The following HYDIN variants were observed in gnomAD, a reference collection of about 807,000 sequenced individuals.
The protein encoded by HYDIN is axonemal central pair apparatus protein HYDIN.
Under a neutral mutation model 403.9 loss-of-function variants are expected in HYDIN, and 132 were observed. The observed-to-expected ratio is 0.33, with a 90% CI of 0.28 to 0.38. The LOEUF (loss-of-function observed/expected upper bound fraction) is 0.38. Among genes scored for constraint, HYDIN ranks in the 10% least tolerant of loss-of-function variants. HYDIN has a pLI of 1.00. For missense variants in HYDIN, 2,827 were observed against 5,009.5 expected (o/e 0.56, Z 13.15); for synonymous variants, 1,202 against 1,891.7 (o/e 0.64, Z 9.46).
intron 2 of HYDIN, among the ~76,000 whole-genome samples, chr16:71,185,220 C>A (rs922928111): frequency 3.3e-5 from 5 of 151,878 alleles, no homozygotes; most frequent in Non-Finnish European, 7.4e-5. Context: ...TTGCTGTTTC[C>A]TTATGATTTT....
intron 5 of HYDIN, among the ~76,000 whole-genome samples, chr16:71,165,664 G>T (rs1378072719): frequency 1.3e-5 from 2 of 151,980 alleles, no homozygotes; most frequent in Non-Finnish European, 2.9e-5. Context: ...CAGAACATTT[G>T]GTAGTGATGA....
In HYDIN at chr16:70,829,996, C is replaced by T. The variant is rs1432259415; in HGVS notation, c.13900-166G>A. Among the ~76,000 whole-genome samples the T allele has an allele frequency of 3.3e-5, 5 of 152,000 alleles. No homozygotes were observed. The Middle Eastern group carries it at 0.01, about 310-fold the overall frequency. On this transcript the variant is annotated intron_variant, in intron 80 of 85. Coordinates refer to ENST00000393567, the MANE Select transcript of HYDIN (RefSeq NM_001270974.2). Reference sequence around the variant, plus strand: ...CTTTCATTCACTCAACACATACTTACGGGTACCTTCTATGTGCTAGGCACT... The same window carrying T: ...CTTTCATTCACTCAACACATACTTATGGGTACCTTCTATGTGCTAGGCACT...
intron 23 of HYDIN, among the ~76,000 whole-genome samples, chr16:71,012,892 G>GA (rs1358042013): frequency 6.8e-6 from 1 of 147,970 alleles, no homozygotes; most frequent in Non-Finnish European, 1.5e-5. Flanking sequence ...TTTATGCCTG[G>GA]AACCTTTCTC....
At chr16:71,116,155 A>G (rs1208867918) in intron 9 of HYDIN, among the ~76,000 whole-genome samples, 2 of 145,384 alleles carry the variant, frequency 1.4e-5, no homozygotes, top group African/African-American at 2.6e-5. Flanking sequence ...ACATCTCCCC[A>G]TTTCCGCCCC....
At chr16:71,026,600 C>G (rs931813977) in intron 20 of HYDIN, among the ~76,000 whole-genome samples, 9 of 152,154 alleles carry the variant, frequency 5.9e-5, no homozygotes, top group African/African-American at 2.2e-4. Flanking sequence ...GTATTTGTCA[C>G]ATGGTATACA....
At chr16:70,886,005 G>C (rs1363258111) in intron 58 of HYDIN, among the ~76,000 whole-genome samples, 1 of 144,756 alleles carries the variant, frequency 6.9e-6, no homozygotes, top group Non-Finnish European at 1.5e-5. Flanking sequence ...AAGGCCAACA[G>C]AATCACAAGC....
intron 5 of HYDIN, among the ~76,000 whole-genome samples, chr16:71,172,505 A>C (rs1452127658): frequency 6.6e-6 from 1 of 151,480 alleles, no homozygotes; most frequent in Non-Finnish European, 1.5e-5. Flanking sequence ...TAGATTAATA[A>C]CATATCCAAT....
intron 60 of HYDIN, among the ~76,000 whole-genome samples, chr16:70,882,016 G>A (rs1041865072): frequency 6.6e-6 from 1 of 152,238 alleles, no homozygotes; most frequent in Non-Finnish European, 1.5e-5. Flanking sequence ...AGGCAGTTTC[G>A]AGCCTGGCAG....
intron 85 of HYDIN, 26 bp from the exon 86 acceptor site, chr16:70,808,088 C>G: frequency 6.3e-7 from 1 of 1,575,838 alleles, no homozygotes; most frequent in Non-Finnish European, 8.6e-7. Context: ...ACAAACTCAG[C>G]TCACGTGAGA....
chr16:71,049,523 A>G lies in HYDIN; in HGVS notation c.2529+10981T>C, dbSNP rs145990929. 6.9e-3 allele frequency among the ~76,000 whole-genome samples: 1,045 copies of G among 152,332 alleles called. 8 individuals carry two copies. Among genetic ancestry groups the G allele is most frequent in the African/African-American group, 0.024 (1,000 of 41,564 alleles). On this transcript the variant is annotated intron_variant, in intron 18 of 85. Coordinates refer to ENST00000393567, the MANE Select transcript of HYDIN (RefSeq NM_001270974.2). The stretch of plus-strand genomic sequence containing the variant: ...GAAGGCAAATGTAAAAATGCTAGAA[A>G]AGAAGGTGTGAGCACTGAGAAGGAG...
intron 3 of HYDIN, among the ~76,000 whole-genome samples, chr16:71,182,433 G>A (rs1181833689): frequency 6.6e-6 from 1 of 152,070 alleles, no homozygotes; most frequent in Non-Finnish European, 1.5e-5. Context: ...ATGGTGAGAA[G>A]CAGTATGATT....
intron 8 of HYDIN, among the ~76,000 whole-genome samples, chr16:71,134,235 G>A (rs1231634590): frequency 6.6e-6 from 1 of 151,862 alleles, no homozygotes; most frequent in Admixed American, 6.5e-5. Context: ...CGATCTTAGA[G>A]CAACTTTCAG....
intron 1 of HYDIN, among the ~76,000 whole-genome samples, chr16:71,216,544 C>T (rs2088891762): frequency 1.3e-5 from 2 of 152,126 alleles, no homozygotes. Context: ...TCCAGGATAC[C>T]CACATCCTAA....
At chr16:71,016,821 CA>C (rs1159205608) in intron 23 of HYDIN, among the ~76,000 whole-genome samples, 3 of 152,006 alleles carry the variant, frequency 2.0e-5, no homozygotes, top group Non-Finnish European at 4.4e-5. Context: ...TATGTAATGA[CA>C]TGGATGAACC....
intron 67 of HYDIN, among the ~76,000 whole-genome samples, chr16:70,864,862 A>T (rs1322228931): frequency 6.6e-6 from 1 of 152,170 alleles, no homozygotes; most frequent in African/African-American, 2.4e-5. Context: ...TGTAGTGGGA[A>T]CGCAGCCACA....
rs1319996028 is a variant in HYDIN, at chr16:70,947,435, G to A, written c.6532-3486C>T. On this transcript the variant is annotated intron_variant, in intron 41 of 85. Coordinates refer to ENST00000393567, the MANE Select transcript of HYDIN (RefSeq NM_001270974.2). ...AGCTTTCTGATGTGCTGCTGGATTC[G>A]GTTTGCCAGTATTTTATTGAGGATT... 5.5e-3 allele frequency among the ~76,000 whole-genome samples: 833 copies of A among 151,686 alleles called. 5 individuals carry two copies. The highest frequency in any genetic ancestry group is 0.019 in the African/African-American group (786 of 41,378).
chr16:70,840,741 CTGGAA>C (rs2037760892), intron 75 of HYDIN, among the ~76,000 whole-genome samples: 1 of 152,032 alleles, frequency 6.6e-6, no homozygotes, highest in South Asian at 2.1e-4. Flanking sequence ...TCTTTTCACT[CTGGAA>C]TGCAGACATA....
intron 13 of HYDIN, among the ~76,000 whole-genome samples, chr16:71,078,458 T>C (rs2082683889): frequency 6.6e-6 from 1 of 152,088 alleles, no homozygotes; most frequent in Admixed American, 6.6e-5. Context: ...ATATCTGCAA[T>C]TGTATTTCTT....
chr16:71,207,282 T>C (rs1287780863), intron 1 of HYDIN, among the ~76,000 whole-genome samples: 1 of 152,162 alleles, frequency 6.6e-6, no homozygotes, highest in African/African-American at 2.4e-5. Flanking sequence ...TCAACATTCT[T>C]AAAGAAAAGA....
Sources: gnomAD v4.1 joint callset for allele counts (sites outside exome capture counted in the v4.1 genomes callset) on GRCh38, gnomAD v4.1.1 for gene constraint, MANE v1.5 for transcripts, NCBI Gene and HGNC (gene_info 2026-07-23, HGNC 2026-07-21) for gene names.